The following GPHN variants were observed in gnomAD, a reference collection of about 807,000 sequenced individuals.
GPHN encodes gephyrin.
GPHN carries 17 observed loss-of-function variants against 95.5 expected under a neutral mutation model. The ratio of observed to expected loss-of-function variants is 0.18; its 90% CI spans 0.12 to 0.27. GPHN has a LOEUF of 0.27. Ranked by LOEUF, GPHN falls within the 10% of genes least tolerant of loss-of-function variation. The pLI, the probability that GPHN is intolerant of heterozygous loss-of-function variation, is 1.00. For synonymous variants in GPHN, 320 were observed against 322.5 expected (o/e 0.99, Z 0.08); for missense variants, 660 against 978.1 (o/e 0.67, Z 4.34).
At chr14:66,515,893 G>C (rs1289843461) in intron 1 of GPHN, among the ~76,000 whole-genome samples, 1 of 152,152 alleles carries the variant, frequency 6.6e-6, no homozygotes, top group African/African-American at 2.4e-5. Flanking sequence ...GTTGAATATT[G>C]ACACATTCAT....
At chr14:67,105,088 T>C (rs1443809019) in intron 13 of GPHN, among the ~76,000 whole-genome samples, 1 of 152,174 alleles carries the variant, frequency 6.6e-6, no homozygotes, top group Non-Finnish European at 1.5e-5. Flanking sequence ...AATATATTTA[T>C]TGATCCATTG....
chr14:67,372,619 A>G, the GPHN span, among the ~76,000 whole-genome samples: 45 of 152,336 alleles, frequency 3.0e-4, no homozygotes, highest in African/African-American at 1.0e-3. Context: ...TCATGAGGTC[A>G]GGAGATTGAG....
intron 2 of GPHN, among the ~76,000 whole-genome samples, chr14:66,772,980 T>C (rs1459503210): frequency 6.6e-6 from 1 of 151,908 alleles, no homozygotes; most frequent in Non-Finnish European, 1.5e-5. Flanking sequence ...ATCACAGGAC[T>C]TTTTTTTCCC....
At chr14:67,642,385 G>C in the GPHN span, 2 of 1,612,214 alleles carry the variant, frequency 1.2e-6, no homozygotes, top group Non-Finnish European at 1.7e-6. Flanking sequence ...GCCAGGCGTG[G>C]TGAGGGGATG....
chr14:66,861,645 A>G (rs1407633641), intron 4 of GPHN, among the ~76,000 whole-genome samples: 1 of 152,132 alleles, frequency 6.6e-6, no homozygotes. Flanking sequence ...GATAGCAAGC[A>G]TCTTTTCTGA....
At chr14:66,730,799 G>C (rs749954650) in intron 2 of GPHN, among the ~76,000 whole-genome samples, 2 of 152,198 alleles carry the variant, frequency 1.3e-5, no homozygotes, top group East Asian at 3.8e-4. Flanking sequence ...CAAATGTTCA[G>C]TAAATATATA....
chr14:66,926,454 T>C (rs1428897028), intron 8 of GPHN, among the ~76,000 whole-genome samples: 1 of 152,188 alleles, frequency 6.6e-6, no homozygotes, highest in Non-Finnish European at 1.5e-5. Flanking sequence ...TGTCTAGTTT[T>C]AATAATCTGC....
intron 2 of GPHN, among the ~76,000 whole-genome samples, chr14:66,696,658 T>C (rs1336557832): frequency 1.3e-5 from 2 of 152,210 alleles, no homozygotes; most frequent in Non-Finnish European, 2.9e-5. Flanking sequence ...CACCAACCCA[T>C]GCCAGCAAAA....
chr14:66,777,065 G>C (rs1267920414), intron 3 of GPHN, among the ~76,000 whole-genome samples: 1 of 148,888 alleles, frequency 6.7e-6, no homozygotes, highest in East Asian at 2.0e-4. Context: ...AAAATTGATA[G>C]ACCGCTAGCA....
chr14:67,487,435 C>A, the GPHN span, among the ~76,000 whole-genome samples: 7 of 152,326 alleles, frequency 4.6e-5, no homozygotes, highest in Middle Eastern at 0.01. Flanking sequence ...AATGTGTGAA[C>A]ACTTGTGAAT....
chr14:67,043,112 A>T (rs1357098491), intron 10 of GPHN, among the ~76,000 whole-genome samples: 1 of 152,210 alleles, frequency 6.6e-6, no homozygotes, highest in African/African-American at 2.4e-5. Context: ...GTTGCTTATC[A>T]GCTTAAGGAG....
chr14:67,319,925 A>G, the GPHN span, among the ~76,000 whole-genome samples: 1 of 152,242 alleles, frequency 6.6e-6, no homozygotes, highest in Non-Finnish European at 1.5e-5. Context: ...TTACTAGTTC[A>G]TTCCCTGGTA....
the GPHN span, among the ~76,000 whole-genome samples, chr14:67,731,503 C>G: frequency 6.6e-6 from 1 of 152,092 alleles, no homozygotes; most frequent in Non-Finnish European, 1.5e-5. Flanking sequence ...GCGTGAGCCA[C>G]TGCGCCTGGT....
the GPHN span, among the ~76,000 whole-genome samples, chr14:67,236,280 T>C: frequency 6.6e-6 from 1 of 152,188 alleles, no homozygotes; most frequent in East Asian, 1.9e-4. Flanking sequence ...TATAAGATCC[T>C]GATTTTCCTA....
At chr14:67,145,504 T>C (rs1033744289) in intron 18 of GPHN, among the ~76,000 whole-genome samples, 5 of 152,182 alleles carry the variant, frequency 3.3e-5, no homozygotes, top group African/African-American at 1.2e-4. Flanking sequence ...TTTAATTTAC[T>C]AGGAAAGAAA....
intron 10 of GPHN, among the ~76,000 whole-genome samples, chr14:67,033,047 G>A (rs530492563): frequency 6.6e-6 from 1 of 152,100 alleles, no homozygotes; most frequent in East Asian, 1.9e-4. Context: ...CCAATGAATG[G>A]ACAAAATGAA....
intron 8 of GPHN, among the ~76,000 whole-genome samples, chr14:66,940,392 G>A (rs1373610517): frequency 6.6e-6 from 1 of 152,086 alleles, no homozygotes; most frequent in East Asian, 1.9e-4. Flanking sequence ...ATATACCCGA[G>A]GTATGTGAGG....
the GPHN span, chr14:67,388,318 G>T: frequency 6.4e-7 from 1 of 1,551,512 alleles, no homozygotes; most frequent in Non-Finnish European, 8.9e-7. Context: ...GAGGAAAGGA[G>T]ACCCAATTAG....
intron 1 of GPHN, among the ~76,000 whole-genome samples, chr14:66,659,173 T>TG (rs1187246096): frequency 2.6e-5 from 4 of 151,974 alleles, no homozygotes. Flanking sequence ...TGTGTGTGTG[T>TG]TTGTGTGCAC....
Sources: allele counts gnomAD v4.1 joint callset (sites outside exome capture counted in the v4.1 genomes callset), GRCh38; gene constraint gnomAD v4.1.1; transcripts MANE v1.5; gene names NCBI Gene and HGNC (gene_info 2026-07-23, HGNC 2026-07-21).